The following MON2 variants were observed in gnomAD, a reference collection of about 807,000 sequenced individuals.
The protein encoded by MON2 is MON2 regulator of endosome-to-Golgi trafficking.
Under a neutral mutation model 208.6 loss-of-function variants are expected in MON2, and 84 were observed. The ratio of observed to expected loss-of-function variants is 0.40; its 90% CI spans 0.34 to 0.48. MON2 has a LOEUF of 0.48. Ranked by LOEUF, MON2 falls within the 20% of genes least tolerant of loss-of-function variation. The pLI is 0.59. For missense variants in MON2, 1,611 were observed against 2,015.4 expected (o/e 0.80, Z 3.84); for synonymous variants, 660 against 694.0 (o/e 0.95, Z 0.77).
At chr12:62,569,814 A>C (rs1253276463) in intron 29 of MON2, among the ~76,000 whole-genome samples, 2 of 152,164 alleles carry the variant, frequency 1.3e-5, no homozygotes, top group Non-Finnish European at 2.9e-5. Context: ...GGATAAATAG[A>C]TTCTGGGTGT....
At chr12:62,472,737 T>C (rs1004227184) in intron 1 of MON2, among the ~76,000 whole-genome samples, 5 of 152,214 alleles carry the variant, frequency 3.3e-5, no homozygotes, top group Admixed American at 2.0e-4. Flanking sequence ...TGCACGACCT[T>C]ATGACATTGA....
chr12:62,490,754 A>G (rs1433839582), intron 2 of MON2, among the ~76,000 whole-genome samples: 1 of 152,072 alleles, frequency 6.6e-6, no homozygotes, highest in Non-Finnish European at 1.5e-5. Context: ...TTCCTTTTTG[A>G]TTATTCTTAT....
chr12:62,552,057 T>C (rs1390369493), intron 23 of MON2, among the ~76,000 whole-genome samples: 1 of 152,178 alleles, frequency 6.6e-6, no homozygotes, highest in Non-Finnish European at 1.5e-5. Context: ...ACTAGTTACA[T>C]AGCATTTACC....
At chr12:62,551,360 G>A (rs1299047715) in intron 23 of MON2, among the ~76,000 whole-genome samples, 1 of 151,536 alleles carries the variant, frequency 6.6e-6, no homozygotes, top group Non-Finnish European at 1.5e-5. Flanking sequence ...GGAGGCCTGA[G>A]AAGAAGTAAA....
chr12:62,493,098 G>A (rs1390840964), intron 2 of MON2, among the ~76,000 whole-genome samples: 1 of 151,984 alleles, frequency 6.6e-6, no homozygotes, highest in East Asian at 1.9e-4. Flanking sequence ...CTCTTGACTT[G>A]GAATTCCGTG....
At chr12:62,559,614 C>T (rs1233926524) in intron 25 of MON2, among the ~76,000 whole-genome samples, 1 of 151,872 alleles carries the variant, frequency 6.6e-6, no homozygotes, top group Non-Finnish European at 1.5e-5. Context: ...CCCATCACTA[C>T]AAAAAATAAT....
intron 11 of MON2, among the ~76,000 whole-genome samples, chr12:62,531,254 TG>T (rs2072626257): frequency 6.6e-6 from 1 of 152,232 alleles, no homozygotes; most frequent in African/African-American, 2.4e-5. Flanking sequence ...TTTCCTTTGT[TG>T]CTTGTGCTTT....
intron 32 of MON2, among the ~76,000 whole-genome samples, chr12:62,581,492 A>G (rs779466945): frequency 2.0e-5 from 3 of 152,152 alleles, no homozygotes; most frequent in Non-Finnish European, 2.9e-5. Flanking sequence ...GGCCGAGGTG[A>G]CGGAGTTATG....
intron 11 of MON2, among the ~76,000 whole-genome samples, chr12:62,531,182 C>T (rs1223228373): frequency 6.6e-6 from 1 of 152,004 alleles, no homozygotes; most frequent in Non-Finnish European, 1.5e-5. Flanking sequence ...TTTTCATTTT[C>T]TTGATTGCTG....
intron 5 of MON2, among the ~76,000 whole-genome samples, chr12:62,500,492 A>T (rs2070767929): frequency 6.6e-6 from 1 of 152,214 alleles, no homozygotes; most frequent in Non-Finnish European, 1.5e-5. Context: ...CCATGAAAAA[A>T]AGGGGCTGAA....
chr12:62,576,880 T>C (rs1040354215), intron 30 of MON2, among the ~76,000 whole-genome samples: 1 of 151,900 alleles, frequency 6.6e-6, no homozygotes, highest in Non-Finnish European at 1.5e-5. Flanking sequence ...ATATTATTAA[T>C]GTGTTGAAAT....
intron 13 of MON2, 83 bp from the exon 14 acceptor site, chr12:62,535,442 C>T (rs1461682183): frequency 1.8e-5 from 18 of 1,009,914 alleles, no homozygotes; most frequent in Non-Finnish European, 2.4e-5. Context: ...CTTAAAATGT[C>T]ACTGAATACT....
intron 23 of MON2, among the ~76,000 whole-genome samples, chr12:62,551,577 T>G (rs1448667617): frequency 6.6e-6 from 1 of 152,044 alleles, no homozygotes; most frequent in Non-Finnish European, 1.5e-5. Flanking sequence ...AGACACAAAG[T>G]GATCACATGC....
At chr12:62,570,620 G>A (rs1270965053) in intron 29 of MON2, among the ~76,000 whole-genome samples, 1 of 150,982 alleles carries the variant, frequency 6.6e-6, no homozygotes, top group East Asian at 1.9e-4. Context: ...ACCTATATAT[G>A]TGGCAGATGA....
rs890951153 is a variant in MON2 at position 62,522,876 on chromosome 12, A to G, written c.985-1639A>G. ...CTCTCTTTTTTACCCAAATCATAAG[A>G]TTTTAGTGGTTCCAGTATAAATTGA... is the stretch of plus-strand genomic sequence containing the variant. On this transcript the variant is annotated intron_variant, in intron 8 of 34. Coordinates refer to ENST00000393630, the MANE Select transcript of MON2 (RefSeq NM_015026.3). Among the ~76,000 whole-genome samples the G allele has an allele frequency of 4.6e-5, 7 of 152,316 alleles. No individual in the cohort carries two copies. The East Asian group carries it at 1.4e-3, about 29-fold the overall frequency.
chr12:62,580,187 G>A (rs1339676134), intron 31 of MON2, 110 bp from the exon 32 acceptor site: 28 of 1,002,742 alleles, frequency 2.8e-5, no homozygotes, highest in Non-Finnish European at 4.0e-5. Context: ...CTTTAAAGGA[G>A]AGTTCTTTAA....
chr12:62,596,416 AT>A lies in MON2; in HGVS notation c.*3669del, dbSNP rs1220490166. 1 of 152,220 alleles carries A rather than the reference AT, an allele frequency of 6.6e-6. No homozygotes were observed. Among genetic ancestry groups the A allele is most frequent in the African/African-American group, 2.4e-5 (1 of 41,454 alleles). 9.4% of individuals were successfully genotyped at this position (152,220 alleles called of 1,614,324 possible). ...ATGGGTTAGTGTACAGGCTCAGAAT[AT>A]TGTGGATTACAGTTTTTCAGAGAAA... On this transcript the variant is annotated 3_prime_UTR_variant, in exon 35 of 35. Transcript: ENST00000393630.
chr12:62,587,038 G>A (rs1204495520), intron 33 of MON2, among the ~76,000 whole-genome samples: 3 of 152,146 alleles, frequency 2.0e-5, no homozygotes, highest in African/African-American at 7.2e-5. Flanking sequence ...GTATTAGAAA[G>A]TCTTATCTGC....
At chr12:62,545,589 T>C (rs2073447546) in intron 21 of MON2, 1 of 152,134 alleles carries the variant, frequency 6.6e-6, no homozygotes, top group Non-Finnish European at 1.5e-5. Context: ...AATAAAAATA[T>C]GGAGTACATC....
Sources: allele counts gnomAD v4.1 joint callset (sites outside exome capture counted in the v4.1 genomes callset), GRCh38; gene constraint gnomAD v4.1.1; transcripts MANE v1.5; gene names NCBI Gene and HGNC (gene_info 2026-07-23, HGNC 2026-07-21).